Variants in PYGL observed in about 807,000 individuals in gnomAD.
The protein encoded by PYGL is glycogen phosphorylase, liver form.
Under a neutral mutation model 100.1 loss-of-function variants are expected in PYGL, and 90 were observed. That is an observed-to-expected ratio of 0.90 (90% confidence interval 0.76 to 1.07). PYGL has a LOEUF of 1.07. Ranked by LOEUF, PYGL falls within the 50% of genes least tolerant of loss-of-function variation. The pLI is 0.00. For synonymous variants in PYGL, 373 were observed against 393.0 expected (o/e 0.95, Z 0.60); for missense variants, 1,016 against 1,057.6 (o/e 0.96, Z 0.55).
intron 13 of PYGL, 109 bp downstream of exon 13, chr14:50,912,920 C>G (rs1170230736): frequency 9.7e-7 from 1 of 1,034,106 alleles, no homozygotes; most frequent in African/African-American, 1.6e-5. Context: ...TGCCACTGCA[C>G]TCCAGCCTGG....
At chr14:50,915,241 GC>G in intron 11 of PYGL, 94 bp downstream of exon 11, 1 of 1,410,456 alleles carries the variant, frequency 7.1e-7, no homozygotes, top group Non-Finnish European at 1.0e-6. Flanking sequence ...TTTGAACAAG[GC>G]CTTTCCTCAT....
intron 4 of PYGL, among the ~76,000 whole-genome samples, chr14:50,931,318 GATC>G (rs368275707): frequency 2.0e-5 from 3 of 152,196 alleles, no homozygotes; most frequent in African/African-American, 7.2e-5. Flanking sequence ...TCTTGGCTGA[GATC>G]ATGAGTCAAA....
chr14:50,910,793 G>T (rs1308793072), intron 16 of PYGL, among the ~76,000 whole-genome samples: 1 of 152,082 alleles, frequency 6.6e-6, no homozygotes, highest in Non-Finnish European at 1.5e-5. Context: ...CACTTTTCCT[G>T]CAGGGAAATA....
intron 18 of PYGL, 128 bp downstream of exon 18, chr14:50,908,681 TATGCTAATCTAC>T: frequency 2.4e-6 from 3 of 1,232,516 alleles, no homozygotes; most frequent in Non-Finnish European, 3.5e-6. Flanking sequence ...CACGCTAATC[TATGCTAATCTAC>T]ATGAGTGGGT....
rs912313151 is a variant in PYGL at position 50,931,574 on chromosome 14, G to T, written c.528+99C>A. On this transcript the variant is annotated intron_variant, in intron 4 of 19. Coordinates refer to ENST00000216392, the MANE Select transcript of PYGL (RefSeq NM_002863.5). ...TACCAACCAAATGCCAGAGAAATTA[G>T]TACAGCTCTATGTTAAAGGTCCATA... is the stretch of plus-strand genomic sequence containing the variant. The T allele has an allele frequency of 5.4e-6, 6 of 1,109,990 alleles. No individual in the cohort carries two copies. In the Admixed American group the frequency reaches 7.5e-5, roughly 14 times the overall value. 68.8% of individuals were successfully genotyped at this position (1,109,990 alleles called of 1,614,324 possible).
At chr14:50,914,178 G>A (rs2050424655) in intron 12 of PYGL, among the ~76,000 whole-genome samples, 1 of 152,132 alleles carries the variant, frequency 6.6e-6, no homozygotes, top group Non-Finnish European at 1.5e-5. Context: ...TAATTTGCAG[G>A]ACCTTTTGTT....
intron 7 of PYGL, among the ~76,000 whole-genome samples, chr14:50,919,432 A>G (rs1382821704): frequency 6.6e-6 from 1 of 152,198 alleles, no homozygotes; most frequent in African/African-American, 2.4e-5. Context: ...AGAGATTATG[A>G]TTTAACACCA....
chr14:50,923,277 T>TTTTTA (rs942215540), intron 5 of PYGL: 16 of 152,170 alleles, frequency 1.1e-4, no homozygotes, highest in East Asian at 1.9e-4. Context: ...CAAACTTTTA[T>TTTTTA]TTTTATTTTA....
chr14:50,926,043 G>A (rs1443067188), intron 4 of PYGL, among the ~76,000 whole-genome samples: 3 of 152,104 alleles, frequency 2.0e-5, no homozygotes, highest in Non-Finnish European at 4.4e-5. Context: ...GTCAATAACT[G>A]TAATCTGTAA....
In PYGL at chr14:50,905,240, A is replaced by C; in HGVS notation, c.*152T>G. On this transcript the variant is annotated 3_prime_UTR_variant, in exon 20 of 20. Coordinates refer to ENST00000216392, the MANE Select transcript of PYGL (RefSeq NM_002863.5). Reference sequence around the variant, plus strand: ...TGTAGCCCTTGGAAATTGACACTTTATTTTTAAGCTCTATTACATATAATT... The same window carrying C: ...TGTAGCCCTTGGAAATTGACACTTTCTTTTTAAGCTCTATTACATATAATT... The C allele has an allele frequency of 2.5e-6, 2 of 792,608 alleles. No individual in the cohort carries two copies. The highest frequency in any genetic ancestry group is 2.7e-5 in the Admixed American group (1 of 36,796). The allele number at this position is 792,608 out of a possible 1,614,324, so 49.1% of individuals were successfully genotyped here.
chr14:50,926,725 C>CAAAAA (rs60411526), intron 4 of PYGL, among the ~76,000 whole-genome samples: 17 of 42,830 alleles, frequency 4.0e-4, no homozygotes, highest in African/African-American at 4.8e-4. Context: ...GACTCTGTCT[C>CAAAAA]AAAAAAAAAA....
rs113993976 is a variant in PYGL, at chr14:50,916,718, T to C, written c.1016A>G (p.Asn339Ser). 6.2e-7 allele frequency: 1 copy of C among 1,614,086 alleles called. No individual in the cohort carries two copies. The highest frequency in any genetic ancestry group is 8.5e-7 in the Non-Finnish European group (1 of 1,179,940). ...AFPDQVAIQLNDTHPALAIPE... is the reference protein window; with the variant it reads ...AFPDQVAIQLSDTHPALAIPE... ...GATCGCGAGTGCAGGGTGAGTGTCA[T>C]TCAGCTGGATGGCCACCTGGGTGGG... Residue 339 changes from asparagine to serine, a missense_variant, in exon 9 of 20, where the codon AAT becomes AGT. By Grantham distance (46) the Asn-to-Ser change is conservative. Coordinates refer to ENST00000216392, the MANE Select transcript of PYGL (RefSeq NM_002863.5).
At chr14:50,908,112 TGTTGTGG>T in intron 19 of PYGL, 152 bp downstream of exon 19, 5 of 572,020 alleles carry the variant, frequency 8.7e-6, no homozygotes, top group East Asian at 3.2e-5. Context: ...TTTTTTTTTT[TGTTGTGG>T]TTGTTTGTTT....
At position 50,920,942 on chromosome 14, in the gene PYGL, T is replaced by C. The variant is rs370866175; in HGVS notation, c.772+14A>G. The C allele has an allele frequency of 4.1e-5, 66 of 1,597,050 alleles. No individual in the cohort carries two copies. Among genetic ancestry groups the C allele is most frequent in the Non-Finnish European group, 5.3e-5 (62 of 1,164,618 alleles). Reference sequence around the variant, plus strand: ...GCACACGCATAAAGAAACCAAGGCCTGTGCTGTACTCACAGTCTCTGAGGT... The same window carrying C: ...GCACACGCATAAAGAAACCAAGGCCCGTGCTGTACTCACAGTCTCTGAGGT... On this transcript the variant is annotated intron_variant, in intron 6 of 19. Transcript: ENST00000216392.
At chr14:50,932,848 C>A (rs983194048) in intron 3 of PYGL, among the ~76,000 whole-genome samples, 1 of 152,142 alleles carries the variant, frequency 6.6e-6, no homozygotes, top group South Asian at 2.1e-4. Context: ...AGCTGTAGAT[C>A]AAACAGAAAG....
Position 50,918,286 on chromosome 14 carries a change from G to A in PYGL, c.856-1181C>T, listed in dbSNP as rs140812789. On this transcript the variant is annotated intron_variant, in intron 7 of 19. Transcript: ENST00000216392. ...TTAAACAGCATGGAGATTCCTTAAA[G>A]AACTAAAAGTAGAACTACCATTTGA... is the stretch of plus-strand genomic sequence containing the variant. Among the ~76,000 whole-genome samples the A allele has an allele frequency of 3.2e-4, 48 of 152,206 alleles. No individual in the cohort carries two copies. In the East Asian group the frequency reaches 6.4e-3, roughly 20 times the overall value.
chr14:50,910,220 A>G, intron 16 of PYGL, 118 bp from the exon 17 acceptor site: 1 of 1,071,358 alleles, frequency 9.3e-7, no homozygotes, highest in East Asian at 2.5e-5. Context: ...GCACATTAAG[A>G]TAAACATTCA....
chr14:50,921,293 T>C (rs1281383425), intron 5 of PYGL: 9 of 558,130 alleles, frequency 1.6e-5, no homozygotes, highest in Non-Finnish European at 2.9e-5. Flanking sequence ...CCATCCACAC[T>C]GATGGTCCTT....
intron 3 of PYGL, among the ~76,000 whole-genome samples, chr14:50,934,354 A>C (rs1463797230): frequency 1.3e-5 from 2 of 152,176 alleles, no homozygotes; most frequent in African/African-American, 4.8e-5. Context: ...TGAAAAAATA[A>C]AATAAAATAA....
Sources: gnomAD v4.1 joint callset for allele counts (sites outside exome capture counted in the v4.1 genomes callset) on GRCh38, gnomAD v4.1.1 for gene constraint, MANE v1.5 for transcripts, NCBI Gene and HGNC (gene_info 2026-07-23, HGNC 2026-07-21) for gene names.